Variants in TAFA5 observed in about 807,000 individuals in gnomAD.
The protein encoded by TAFA5 is chemokine-like protein TAFA-5.
In TAFA5, 6 loss-of-function variants were observed where a neutral mutation model predicts 15.3. That is an observed-to-expected ratio of 0.39 (90% CI 0.21 to 0.77). The LOEUF (loss-of-function observed/expected upper bound fraction) is 0.77, where lower values mean the gene tolerates loss of function less well. Among genes scored for constraint, TAFA5 ranks in the 30% least tolerant of loss-of-function variants. The pLI, the probability that TAFA5 is intolerant of heterozygous loss-of-function variation, is 0.41. For synonymous variants in TAFA5, 103 were observed against 80.7 expected, an observed-to-expected ratio of 1.28 and a Z score of -1.48; for missense variants, 161 against 193.1, an observed-to-expected ratio of 0.83 and a Z score of 0.98.
chr22:48,627,245 T>G (rs191453874), intron 1 of TAFA5, among the ~76,000 whole-genome samples: 6 of 152,376 alleles, frequency 3.9e-5, no homozygotes, highest in African/African-American at 1.2e-4. Flanking sequence ...ACCTCCCAAG[T>G]TGGCTCCTCC....
chr22:48,728,534 T>C (rs1929771182), intron 3 of TAFA5, among the ~76,000 whole-genome samples: 1 of 152,234 alleles, frequency 6.6e-6, no homozygotes, highest in Non-Finnish European at 1.5e-5. Flanking sequence ...ATTAAAGTGA[T>C]TTGAGCAGGG....
chr22:48,578,923 C>T (rs535013340), intron 1 of TAFA5, among the ~76,000 whole-genome samples: 3 of 152,346 alleles, frequency 2.0e-5, no homozygotes, highest in East Asian at 3.9e-4. Context: ...CTCCTCCCAG[C>T]AGCCGCTGTC....
chr22:48,531,072 G>C (rs2147112733), intron 1 of TAFA5, among the ~76,000 whole-genome samples: 1 of 152,344 alleles, frequency 6.6e-6, no homozygotes, highest in East Asian at 1.9e-4. Context: ...AGTCAGAGGT[G>C]GCTGGGGTAG....
intron 1 of TAFA5, among the ~76,000 whole-genome samples, chr22:48,640,566 G>C (rs932102735): frequency 4.6e-5 from 7 of 152,154 alleles, no homozygotes; most frequent in Non-Finnish European, 7.4e-5. Context: ...GGGCTGGGCT[G>C]GGCTGTGGGT....
chr22:48,729,329 T>TTATTTATAAATATATAATATTTTTA (rs1170202901), intron 3 of TAFA5, among the ~76,000 whole-genome samples: 8 of 99,060 alleles, frequency 8.1e-5, no homozygotes, highest in Non-Finnish European at 1.7e-4. Flanking sequence ...ATTTTTATAT[T>TTATTTATAAATATATAATATTTTTA]TATTTGTAAA....
intron 1 of TAFA5, among the ~76,000 whole-genome samples, chr22:48,561,752 A>G (rs764449691): frequency 6.6e-6 from 1 of 152,140 alleles, no homozygotes; most frequent in African/African-American, 2.4e-5. Flanking sequence ...TCAATAAACC[A>G]TTTCTGGTGC....
intron 1 of TAFA5, among the ~76,000 whole-genome samples, chr22:48,587,858 G>A (rs1924418609): frequency 6.6e-6 from 1 of 152,250 alleles, no homozygotes; most frequent in South Asian, 2.1e-4. Flanking sequence ...GACTCACGCA[G>A]AGGCGGCCTT....
rs1926196700 is a variant in TAFA5 at position 48,630,808 on chromosome 22, T to TTC, written c.113-15788_113-15787insCT. 1.2e-4 allele frequency among the ~76,000 whole-genome samples: 14 copies of TTC among 115,942 alleles called. No individual in the cohort carries two copies. The Admixed American group carries it at 1.2e-3, about 10-fold the overall frequency. 76.1% of individuals were successfully genotyped at this position (115,942 alleles called of 152,430 possible). On this transcript the variant is annotated intron_variant, in intron 1 of 3. Transcript: ENST00000402357. ...AGCTGGGCACTCGGCTGTGGGGCTT[T>TTC]TGTTTCTACCTGAAACCAGCCAGCC...
At chr22:48,505,693 C>T (rs781477421) in intron 1 of TAFA5, among the ~76,000 whole-genome samples, 2 of 152,154 alleles carry the variant, frequency 1.3e-5, no homozygotes, top group Non-Finnish European at 2.9e-5. Context: ...GAGCGTCACC[C>T]GAAGCATGCC....
intron 3 of TAFA5, among the ~76,000 whole-genome samples, chr22:48,709,392 C>T (rs1929182302): frequency 9.8e-6 from 1 of 101,524 alleles, no homozygotes; most frequent in Non-Finnish European, 2.1e-5. Flanking sequence ...TCTAGGCTCT[C>T]CTCTGTCCCT....
intron 2 of TAFA5, among the ~76,000 whole-genome samples, chr22:48,694,649 G>A (rs1045352329): frequency 1.8e-4 from 27 of 152,004 alleles, no homozygotes; most frequent in Non-Finnish European, 2.2e-4. Flanking sequence ...TACTGCTCCC[G>A]GGCAGTGCCT....
In TAFA5 at chr22:48,489,724, G is replaced by C. The variant is rs1273826561; in HGVS notation, c.112+20G>C. On this transcript the variant is annotated intron_variant, in intron 1 of 3. Coordinates refer to ENST00000402357, the MANE Select transcript of TAFA5 (RefSeq NM_001082967.3). This position sits in a 1 kb window ranked among gnomAD's most constrained non-coding sequence, Gnocchi z 5.5. ...ACTGCAGTGAGTACCGCGCGGCCCC[G>C]GCCCCGGCACGGCCCTCTGGGCCCC... 5 of 1,405,620 alleles carry C rather than the reference G, an allele frequency of 3.6e-6. No homozygotes were observed. In the African/African-American group the frequency reaches 6.0e-5, roughly 17 times the overall value. 87.1% of individuals were successfully genotyped at this position (1,405,620 alleles called of 1,614,324 possible). A position where few individuals can be genotyped will look rare whatever the true frequency, so the allele number is the denominator to read the frequency against.
At chr22:48,622,221 T>C (rs895256911) in intron 1 of TAFA5, among the ~76,000 whole-genome samples, 4 of 152,064 alleles carry the variant, frequency 2.6e-5, no homozygotes, top group Non-Finnish European at 4.4e-5. Context: ...TTACCCTGAT[T>C]GCTCTATCCC....
Position 48,736,081 on chromosome 22 carries a change from T to C in TAFA5, c.391-13758T>C, listed in dbSNP as rs9617430. ...AGGAATGAGAATCGCACTCCTAGAG[T>C]CCATCCCCCCAGGAGGAATGAGAAT... On this transcript the variant is annotated intron_variant, in intron 3 of 3. Transcript: ENST00000402357. Among the ~76,000 whole-genome samples the C allele has an allele frequency of 8.7e-5, 4 of 46,236 alleles. 1 individual carries two copies. The highest frequency in any genetic ancestry group is 5.1e-4 in the Admixed American group (2 of 3,910). 30.3% of individuals were successfully genotyped at this position (46,236 alleles called of 152,430 possible).
intron 1 of TAFA5, among the ~76,000 whole-genome samples, chr22:48,556,101 T>C (rs133460): frequency 0.82 from 125,228 of 152,180 alleles, 51,595 homozygotes; most frequent in African/African-American, 0.86. Context: ...GGTGGTCTCA[T>C]CAAACTCCTG....
At chr22:48,661,392 G>A (rs962090751) in intron 2 of TAFA5, among the ~76,000 whole-genome samples, 26 of 152,186 alleles carry the variant, frequency 1.7e-4, no homozygotes, top group Non-Finnish European at 2.6e-4. Context: ...CTCGAACCCC[G>A]GCCGCAGAAC....
At chr22:48,615,015 T>C (rs1022351692) in intron 1 of TAFA5, among the ~76,000 whole-genome samples, 12 of 152,140 alleles carry the variant, frequency 7.9e-5, no homozygotes, top group African/African-American at 2.7e-4. Flanking sequence ...ATCCTTTTTC[T>C]TTACAATTTC....
intron 1 of TAFA5, among the ~76,000 whole-genome samples, chr22:48,571,574 G>GTTTTGTTTTTTT (rs1923586979): frequency 2.1e-4 from 6 of 29,234 alleles, no homozygotes; most frequent in Admixed American, 1.1e-3. Flanking sequence ...TGCCTGGCCT[G>GTTTTGTTTTTTT]TTTTTTTTTT....
intron 1 of TAFA5, among the ~76,000 whole-genome samples, chr22:48,561,703 G>T (rs961615145): frequency 6.6e-6 from 1 of 152,210 alleles, no homozygotes; most frequent in Non-Finnish European, 1.5e-5. Flanking sequence ...GGGGTCATGG[G>T]CCACTGGCAC....
Sources: gnomAD v4.1 joint callset for allele counts (sites outside exome capture counted in the v4.1 genomes callset) on GRCh38, gnomAD v4.1.1 for gene constraint, Gnocchi (gnomAD v3.1) non-coding constraint, MANE v1.5 for transcripts, NCBI Gene and HGNC (gene_info 2026-07-23, HGNC 2026-07-21) for gene names.